Variants in SCAMP1 observed in about 807,000 individuals in gnomAD.
SCAMP1 encodes secretory carrier-associated membrane protein 1.
In SCAMP1, 15 loss-of-function variants were observed where a neutral mutation model predicts 41.8. The observed-to-expected ratio is 0.36, with a 90% CI of 0.24 to 0.55. The LOEUF is 0.55. SCAMP1 is among the 20% of genes least tolerant of loss of function. The pLI is 0.86. For missense variants in SCAMP1, 341 were observed against 412.6 expected, an observed-to-expected ratio of 0.83 and a Z score of 1.50; for synonymous variants, 135 against 136.8, an observed-to-expected ratio of 0.99 and a Z score of 0.09.
chr5:78,473,105 T>C (rs1753924021), intron 8 of SCAMP1, among the ~76,000 whole-genome samples: 3 of 152,156 alleles, frequency 2.0e-5, no homozygotes, highest in Non-Finnish European at 2.9e-5. Context: ...TAAAAATAAT[T>C]ACTTTTATAC....
At chr5:78,445,116 A>G (rs56353413) in intron 6 of SCAMP1, among the ~76,000 whole-genome samples, 10,441 of 152,220 alleles carry the variant, frequency 0.069, 569 homozygotes, top group Admixed American at 0.16. Context: ...ATCCCAGCAA[A>G]TGGTAGTTGT....
chr5:78,416,498 A>G (rs751334768), intron 3 of SCAMP1, 43 bp from the exon 4 acceptor site: 9 of 1,416,524 alleles, frequency 6.4e-6, no homozygotes, highest in Admixed American at 4.5e-5. Flanking sequence ...AAAGTATTTT[A>G]TACTTCTGAC....
intron 1 of SCAMP1, among the ~76,000 whole-genome samples, chr5:78,378,670 T>A (rs573568827): frequency 6.6e-6 from 1 of 152,362 alleles, no homozygotes; most frequent in African/African-American, 2.4e-5. Context: ...TACTAGAGTA[T>A]TGACAGAGTA....
rs3058233 is a variant in SCAMP1, at chr5:78,404,453, G to GTTTTTTTTTTTTTTTTTTT, written c.136-11065_136-11047dup. Among the ~76,000 whole-genome samples, 16 of 98,176 alleles carry GTTTTTTTTTTTTTTTTTTT rather than the reference G, an allele frequency of 1.6e-4. 2 individuals are homozygous for GTTTTTTTTTTTTTTTTTTT. Among genetic ancestry groups the GTTTTTTTTTTTTTTTTTTT allele is most frequent in the African/African-American group, 5.8e-4 (13 of 22,236 alleles). 64.4% of individuals were successfully genotyped at this position (98,176 alleles called of 152,430 possible). The stretch of plus-strand genomic sequence containing the variant: ...TGAGCCACTGTGCCCAGCCTTACAG[G>GTTTTTTTTTTTTTTTTTTT]TTTTTTTTTTTTTTTTTTTTGCTAG... On this transcript the variant is annotated intron_variant, in intron 2 of 8. Transcript: ENST00000621999.
intron 5 of SCAMP1, among the ~76,000 whole-genome samples, chr5:78,421,595 A>G (rs1203499710): frequency 2.0e-5 from 3 of 152,190 alleles, no homozygotes; most frequent in African/African-American, 2.4e-5. Context: ...CAAACAGTAC[A>G]TGTATTAAGA....
chr5:78,405,739 A>G (rs1751919086), intron 2 of SCAMP1, among the ~76,000 whole-genome samples: 1 of 152,168 alleles, frequency 6.6e-6, no homozygotes, highest in African/African-American at 2.4e-5. Flanking sequence ...TAGTTGACCA[A>G]TGAATGTTTG....
chr5:78,418,051 C>G (rs1208916864), intron 4 of SCAMP1, among the ~76,000 whole-genome samples: 1 of 151,912 alleles, frequency 6.6e-6, no homozygotes, highest in African/African-American at 2.4e-5. Flanking sequence ...CCCACCATTT[C>G]TCAAGTCTTA....
intron 1 of SCAMP1, among the ~76,000 whole-genome samples, chr5:78,365,518 A>G (rs1032739100): frequency 9.4e-5 from 14 of 149,502 alleles, no homozygotes; most frequent in Non-Finnish European, 1.6e-4. Context: ...AATAATCTCT[A>G]TATGCTTAGC....
At chr5:78,414,104 G>A (rs975432506) in intron 2 of SCAMP1, among the ~76,000 whole-genome samples, 2 of 150,852 alleles carry the variant, frequency 1.3e-5, no homozygotes, top group East Asian at 1.9e-4. Context: ...TGCATGTGTC[G>A]AGGGAAGCAA....
chr5:78,374,478 A>T (rs572213303), intron 1 of SCAMP1, among the ~76,000 whole-genome samples: 3 of 152,278 alleles, frequency 2.0e-5, no homozygotes, highest in Non-Finnish European at 4.4e-5. Context: ...CAATTGCTTA[A>T]AAGTGCTGCT....
At chr5:78,399,902 G>T (rs1051592223) in intron 2 of SCAMP1, among the ~76,000 whole-genome samples, 7 of 152,126 alleles carry the variant, frequency 4.6e-5, no homozygotes, top group Non-Finnish European at 1.0e-4. Flanking sequence ...TGTTATCTTC[G>T]AGGAGTTTTA....
At chr5:78,376,676 G>A (rs1751072447) in intron 1 of SCAMP1, among the ~76,000 whole-genome samples, 1 of 152,164 alleles carries the variant, frequency 6.6e-6, no homozygotes, top group Admixed American at 6.6e-5. Context: ...ACATGAAAAG[G>A]TTTGTATTTT....
intron 2 of SCAMP1, among the ~76,000 whole-genome samples, chr5:78,407,460 TTGTG>T (rs987704801): frequency 6.8e-6 from 1 of 147,366 alleles, no homozygotes; most frequent in African/African-American, 2.4e-5. Flanking sequence ...TGACCTTCCT[TTGTG>T]TGGGAATTAT....
chr5:78,372,549 T>TA (rs11301637), intron 1 of SCAMP1, among the ~76,000 whole-genome samples: 55 of 149,210 alleles, frequency 3.7e-4, no homozygotes, highest in Middle Eastern at 3.4e-3. Context: ...GCTCAGATAT[T>TA]AAAAAAAAAA....
chr5:78,440,834 C>T (rs2112187887), intron 6 of SCAMP1, among the ~76,000 whole-genome samples: 1 of 152,334 alleles, frequency 6.6e-6, no homozygotes, highest in Admixed American at 6.5e-5. Context: ...AGGCAGGCCT[C>T]CTTGAGTTGT....
intron 1 of SCAMP1, among the ~76,000 whole-genome samples, chr5:78,381,427 G>A (rs917421946): frequency 5.9e-5 from 9 of 152,230 alleles, no homozygotes; most frequent in African/African-American, 1.7e-4. Flanking sequence ...TAGGCATTGA[G>A]ACTACAGCTG....
At chr5:78,370,919 A>T (rs1430762998) in intron 1 of SCAMP1, 2 of 152,196 alleles carry the variant, frequency 1.3e-5, no homozygotes, top group Admixed American at 1.3e-4. Flanking sequence ...GTCTGCTGAT[A>T]ACTAATGATG....
intron 8 of SCAMP1, among the ~76,000 whole-genome samples, chr5:78,467,823 G>A (rs1331610355): frequency 2.6e-5 from 4 of 152,116 alleles, no homozygotes; most frequent in Non-Finnish European, 4.4e-5. Context: ...TAGAAATTAA[G>A]ATCCAATTTT....
At chr5:78,462,537 T>G (rs1424926712) in intron 8 of SCAMP1, among the ~76,000 whole-genome samples, 1 of 152,174 alleles carries the variant, frequency 6.6e-6, no homozygotes, top group Non-Finnish European at 1.5e-5. Flanking sequence ...TTGGCCAGTC[T>G]GGTCTGTAAC....
Sources: allele counts gnomAD v4.1 joint callset (sites outside exome capture counted in the v4.1 genomes callset), GRCh38; gene constraint gnomAD v4.1.1; transcripts MANE v1.5; gene names NCBI Gene and HGNC (gene_info 2026-07-23, HGNC 2026-07-21).